Variants in MRPL42 observed in about 807,000 individuals in gnomAD.
The protein encoded by MRPL42 is mitochondrial ribosomal protein L42, also known as large ribosomal subunit protein mL42.
MRPL42 carries 17 observed loss-of-function variants against 17.9 expected under a neutral mutation model. The ratio of observed to expected loss-of-function variants is 0.95; its 90% CI spans 0.65 to 1.42. MRPL42 has a LOEUF of 1.42. Among genes scored for constraint, MRPL42 ranks in the 40% most tolerant of loss-of-function variants. The pLI, the probability that MRPL42 is intolerant of heterozygous loss-of-function variation, is 0.00. For synonymous variants in MRPL42, 59 were observed against 54.4 expected (o/e 1.08, Z -0.37); for missense variants, 177 against 175.2 (o/e 1.01, Z -0.06).
At chr12:93,495,430 T>G (rs1488313928) in intron 5 of MRPL42, among the ~76,000 whole-genome samples, 1 of 152,138 alleles carries the variant, frequency 6.6e-6, no homozygotes, top group East Asian at 1.9e-4. Flanking sequence ...GAGATAGGGT[T>G]TGCCATGTTG....
At chr12:93,477,157 G>T in intron 3 of MRPL42, 140 bp downstream of exon 3, 3 of 617,408 alleles carry the variant, frequency 4.9e-6, no homozygotes, top group Non-Finnish European at 5.3e-6. Context: ...TTATTTTAAT[G>T]ATTTTATTTA....
In MRPL42 at chr12:93,515,354, AG is replaced by A. The variant is rs1005047319; in HGVS notation, c.*14135del. The A allele has an allele frequency of 2.9e-5, 4 of 138,086 alleles. No individual in the cohort carries two copies. Among genetic ancestry groups the A allele is most frequent in the African/African-American group, 1.1e-4 (4 of 37,494 alleles). 8.6% of individuals were successfully genotyped at this position (138,086 alleles called of 1,614,324 possible). ...AGATACATAGGAAGTAAAAATTAAT[AG>A]GCCTTGGCAACTATTTTTTTTTTTT... On this transcript the variant is annotated 3_prime_UTR_variant, in exon 6 of 6. Coordinates refer to ENST00000549982, the MANE Select transcript of MRPL42 (RefSeq NM_014050.4).
chr12:93,501,205 C>T lies in MRPL42; in HGVS notation c.413C>T (p.Pro138Leu), dbSNP rs149320356. ...RYHRCRKNLN[P>L]PKDR ...CACAGATGTCGTAAGAATCTGAATC[C>T]TCCAAAAGACAGATGATGCGGAGGT... The change falls in exon 6 of 6, where the codon CCT (proline) becomes CTT (leucine). Residue 138 changes from proline to leucine, a missense_variant. Pro to Leu is a moderately conservative substitution (Grantham distance 98, BLOSUM62 -3). Coordinates refer to ENST00000549982, the MANE Select transcript of MRPL42 (RefSeq NM_014050.4). 2.9e-5 allele frequency: 46 copies of T among 1,600,792 alleles called. No individual in the cohort carries two copies. In the Middle Eastern group the frequency reaches 8.1e-4, roughly 28 times the overall value.
At position 93,469,236 on chromosome 12, in the gene MRPL42, C is replaced by A. The variant is rs1254226419; in HGVS notation, c.-50C>A. ...TAGAAGCAGATTCTAAAAGCAGTTTCTCTTCAGAACATCTTTTTTCATACC... is the reference window on the plus strand; with the variant it reads ...TAGAAGCAGATTCTAAAAGCAGTTTATCTTCAGAACATCTTTTTTCATACC... On this transcript the variant is annotated 5_prime_UTR_variant, in exon 2 of 6. Coordinates refer to ENST00000549982, the MANE Select transcript of MRPL42 (RefSeq NM_014050.4). 1.4e-6 allele frequency: 2 copies of A among 1,450,870 alleles called. No individual in the cohort carries two copies. Among genetic ancestry groups the A allele is most frequent in the South Asian group, 2.5e-5 (2 of 81,220 alleles). 89.9% of individuals were successfully genotyped at this position (1,450,870 alleles called of 1,614,324 possible). A position where few individuals can be genotyped will look rare whatever the true frequency, so the allele number is the denominator to read the frequency against.
At chr12:93,492,238 A>G (rs991127174) in intron 5 of MRPL42, among the ~76,000 whole-genome samples, 2 of 152,244 alleles carry the variant, frequency 1.3e-5, no homozygotes, top group African/African-American at 2.4e-5. Context: ...TCCCACCAAT[A>G]GTATGTAAGC....
chr12:93,496,233 A>G (rs1445808565), intron 5 of MRPL42, among the ~76,000 whole-genome samples: 2 of 151,910 alleles, frequency 1.3e-5, no homozygotes, highest in Admixed American at 6.6e-5. Flanking sequence ...TAATTTTTGT[A>G]TTTTTAGTAA....
At chr12:93,468,314 A>G (rs1879740900) in intron 1 of MRPL42, among the ~76,000 whole-genome samples, 1 of 151,710 alleles carries the variant, frequency 6.6e-6, no homozygotes, top group Admixed American at 6.6e-5. Flanking sequence ...TATTGGGGGG[A>G]AGGGCACGGA....
Position 93,509,324 on chromosome 12 carries a change from A to G in MRPL42, c.*8103A>G, listed in dbSNP as rs1285306761. On this transcript the variant is annotated 3_prime_UTR_variant, in exon 6 of 6. Coordinates refer to ENST00000549982, the MANE Select transcript of MRPL42 (RefSeq NM_014050.4). ...AATATTTTTAGTTTTAGCCATTCTA[A>G]TGGATATATAGTAATAATTTGATGG... is the stretch of plus-strand genomic sequence containing the variant. 6.6e-6 allele frequency: 1 copy of G among 152,072 alleles called. No individual in the cohort carries two copies. The highest frequency in any genetic ancestry group is 2.4e-5 in the African/African-American group (1 of 41,392). 9.4% of individuals were successfully genotyped at this position (152,072 alleles called of 1,614,324 possible). A position where few individuals can be genotyped will look rare whatever the true frequency, so the allele number is the denominator to read the frequency against.
At chr12:93,472,210 C>T (rs1879942891) in intron 2 of MRPL42, among the ~76,000 whole-genome samples, 1 of 152,056 alleles carries the variant, frequency 6.6e-6, no homozygotes, top group Non-Finnish European at 1.5e-5. Context: ...AAAATCATTC[C>T]ATTATCAGTT....
At chr12:93,497,278 AAAAC>A (rs1953523780) in intron 5 of MRPL42, among the ~76,000 whole-genome samples, 1 of 152,194 alleles carries the variant, frequency 6.6e-6, no homozygotes, top group East Asian at 1.9e-4. Flanking sequence ...ACATAACAGA[AAAAC>A]AAAACTATGG....
rs1242727678 is a variant in MRPL42, at chr12:93,504,680, G to A, written c.*3459G>A. 1 of 152,074 alleles carries A rather than the reference G, an allele frequency of 6.6e-6. No individual in the cohort carries two copies. The highest frequency in any genetic ancestry group is 1.9e-4 in the East Asian group (1 of 5,194). The allele number at this position is 152,074 out of a possible 1,614,324, so 9.4% of individuals were successfully genotyped here. ...TTCCTTTGCAGCCCTTTACCATAAT[G>A]TGTTTCTTCTACCTCCCCTGCACAA... On this transcript the variant is annotated 3_prime_UTR_variant, in exon 6 of 6. Transcript: ENST00000549982.
chr12:93,495,991 C>T (rs1953493568), intron 5 of MRPL42, among the ~76,000 whole-genome samples: 1 of 152,154 alleles, frequency 6.6e-6, no homozygotes. Context: ...ATTTAATACC[C>T]ATACATTGTA....
chr12:93,479,793 A>G (rs1326181742), intron 4 of MRPL42, among the ~76,000 whole-genome samples: 1 of 151,774 alleles, frequency 6.6e-6, no homozygotes, highest in African/African-American at 2.4e-5. Context: ...GCTACCCCAT[A>G]TTATAATCTA....
chr12:93,503,975 T>G lies in MRPL42; in HGVS notation c.*2754T>G, dbSNP rs1448516480. ...CTGGTGGATTATTACCATTTTCTTT[T>G]TTTATTTTTTTTTTAAATTTATTTC... On this transcript the variant is annotated 3_prime_UTR_variant, in exon 6 of 6. Transcript: ENST00000549982. The G allele has an allele frequency of 6.8e-6, 1 of 146,174 alleles. No homozygotes were observed. Among genetic ancestry groups the G allele is most frequent in the East Asian group, 2.0e-4 (1 of 5,076 alleles). The allele number at this position is 146,174 out of a possible 1,614,324, so 9.1% of individuals were successfully genotyped here.
chr12:93,487,780 A>C, intron 5 of MRPL42, 120 bp downstream of exon 5: 1 of 894,902 alleles, frequency 1.1e-6, no homozygotes, highest in Non-Finnish European at 1.7e-6. Flanking sequence ...CCTAAGTAGA[A>C]TCACCTACTA....
In MRPL42 at chr12:93,469,285, C is replaced by T. The variant is rs1290307000; in HGVS notation, c.-1C>T. The T allele has an allele frequency of 1.2e-6, 2 of 1,607,602 alleles. No individual in the cohort carries two copies. The highest frequency in any genetic ancestry group is 4.5e-5 in the East Asian group (2 of 44,656). On this transcript the variant is annotated 5_prime_UTR_variant, in exon 2 of 6. Coordinates refer to ENST00000549982, the MANE Select transcript of MRPL42 (RefSeq NM_014050.4). ...CCACTTGATAAGCATCTTGAAACAC[C>T]ATGGCTGTAGCTGCAGTAAAATGGG...
chr12:93,484,995 T>TAC lies in MRPL42; in HGVS notation c.220-2501_220-2500insCA, dbSNP rs1565813811. Among the ~76,000 whole-genome samples, 80 of 60,784 alleles carry TAC rather than the reference T, an allele frequency of 1.3e-3. 3 individuals are homozygous for TAC. The highest frequency in any genetic ancestry group is 5.5e-3 in the African/African-American group (56 of 10,166). The allele number at this position is 60,784 out of a possible 152,430, so 39.9% of individuals were successfully genotyped here. Reference sequence around the variant, plus strand: ...ACACACACACATATATATATATATATATATATATATATATATATATATATA... The same window carrying TAC: ...ACACACACACATATATATATATATATACATATATATATATATATATATATATA... On this transcript the variant is annotated intron_variant, in intron 4 of 5. Transcript: ENST00000549982.
intron 3 of MRPL42, 47 bp from the exon 4 acceptor site, chr12:93,479,341 G>C: frequency 8.1e-7 from 1 of 1,228,254 alleles, no homozygotes. Flanking sequence ...TAATCATTTT[G>C]CCTTGAATAC....
intron 5 of MRPL42, among the ~76,000 whole-genome samples, chr12:93,491,018 G>C (rs1953401477): frequency 6.6e-6 from 1 of 152,122 alleles, no homozygotes; most frequent in Non-Finnish European, 1.5e-5. Context: ...AGCCTCCCAA[G>C]TAACTGGGAC....
Sources: allele counts gnomAD v4.1 joint callset (sites outside exome capture counted in the v4.1 genomes callset), GRCh38; gene constraint gnomAD v4.1.1; transcripts MANE v1.5; gene names NCBI Gene and HGNC (gene_info 2026-07-23, HGNC 2026-07-21).